TFCP2L1: variants seen among roughly 807,000 people sequenced by gnomAD.
TFCP2L1 encodes transcription factor CP2 like 1, also known as transcription factor CP2-like protein 1.
In TFCP2L1, 12 loss-of-function variants were observed where a neutral mutation model predicts 72.2. The observed-to-expected ratio is 0.17, with a 90% CI of 0.11 to 0.27. The LOEUF is 0.27. TFCP2L1 is among the 10% of genes least tolerant of loss of function. The pLI is 1.00. For synonymous variants in TFCP2L1, 260 were observed against 251.0 expected (o/e 1.04, Z -0.34); for missense variants, 488 against 624.6 (o/e 0.78, Z 2.33).
intron 1 of TFCP2L1, among the ~76,000 whole-genome samples, chr2:121,282,734 GAATCC>G (rs2104775185): frequency 6.6e-6 from 1 of 152,210 alleles, no homozygotes; most frequent in Admixed American, 6.5e-5. Flanking sequence ...CCCTGACTAG[GAATCC>G]AATTAGCTGA....
intron 2 of TFCP2L1, among the ~76,000 whole-genome samples, chr2:121,276,383 A>G (rs1687147380): frequency 6.6e-6 from 1 of 152,066 alleles, no homozygotes; most frequent in Non-Finnish European, 1.5e-5. Context: ...CAAGTGTCCC[A>G]GCATTTTGAG....
chr2:121,234,778 A>G (rs1401673571), intron 11 of TFCP2L1, among the ~76,000 whole-genome samples: 3 of 152,264 alleles, frequency 2.0e-5, no homozygotes, highest in Non-Finnish European at 2.9e-5. Context: ...CGTCTCTGCC[A>G]TGGCAGGAAG....
chr2:121,280,228 C>A (rs1687228611), intron 2 of TFCP2L1, among the ~76,000 whole-genome samples: 1 of 150,834 alleles, frequency 6.6e-6, no homozygotes, highest in Non-Finnish European at 1.5e-5. Context: ...AGTCACAGAG[C>A]TAGGAAGTGC....
intron 2 of TFCP2L1, among the ~76,000 whole-genome samples, chr2:121,270,876 AC>A (rs1558744629): frequency 7.9e-6 from 1 of 126,252 alleles, no homozygotes; most frequent in Non-Finnish European, 1.6e-5. Context: ...CTCTAAACAC[AC>A]TTTTTTTTTT....
chr2:121,239,766 G>T, intron 7 of TFCP2L1, 117 bp from the exon 8 acceptor site: 1 of 1,033,578 alleles, frequency 9.7e-7, no homozygotes, highest in Non-Finnish European at 1.4e-6. Flanking sequence ...CCTGTGAAAC[G>T]CAGCCTGCGT....
chr2:121,235,397 TG>T, intron 10 of TFCP2L1, 86 bp from the exon 11 acceptor site: 1 of 833,534 alleles, frequency 1.2e-6, no homozygotes, highest in South Asian at 1.4e-5. Context: ...CCCATAGCAC[TG>T]GGGGTGGGGG....
chr2:121,234,047 C>T (rs769312551), intron 12 of TFCP2L1, 44 bp downstream of exon 12: 17 of 1,541,526 alleles, frequency 1.1e-5, no homozygotes, highest in South Asian at 3.3e-5. Context: ...AGCCAGGCTG[C>T]GGGACCCAAT....
chr2:121,229,828 T>C (rs933669044), intron 13 of TFCP2L1, among the ~76,000 whole-genome samples: 1 of 152,236 alleles, frequency 6.6e-6, no homozygotes, highest in African/African-American at 2.4e-5. Context: ...GGAGGTAGTT[T>C]CAGGTGGGGA....
At chr2:121,248,501 A>G (rs1462125298) in intron 4 of TFCP2L1, among the ~76,000 whole-genome samples, 4 of 152,126 alleles carry the variant, frequency 2.6e-5, no homozygotes, top group Non-Finnish European at 5.9e-5. Context: ...CAGAAATATG[A>G]CCGTGCTTGG....
chr2:121,245,209 C>T (rs1686457009), intron 6 of TFCP2L1, among the ~76,000 whole-genome samples: 1 of 152,138 alleles, frequency 6.6e-6, no homozygotes, highest in South Asian at 2.1e-4. Flanking sequence ...ACTCAGCCTG[C>T]TCCTGCTGGC....
chr2:121,248,903 C>G, intron 4 of TFCP2L1, 79 bp downstream of exon 4: 1 of 1,188,594 alleles, frequency 8.4e-7, no homozygotes, highest in Admixed American at 2.6e-5. Context: ...CGGCATAGGT[C>G]CGGGTGGCAT....
In TFCP2L1 at chr2:121,237,794, A is replaced by C. The variant is rs202099741; in HGVS notation, c.909+8T>G. On this transcript the variant is annotated splice_region_variant and intron_variant, in intron 9 of 14. Coordinates refer to ENST00000263707, the MANE Select transcript of TFCP2L1 (RefSeq NM_014553.3). ...CCACCAGCCAGAAAGCCCTGCTCAG[A>C]CACTTACGTCACTGCCCACGGGCAG... 1.2e-6 allele frequency: 2 copies of C among 1,614,118 alleles called. No individual in the cohort carries two copies. The highest frequency in any genetic ancestry group is 4.5e-5 in the East Asian group (2 of 44,862).
chr2:121,244,431 A>G (rs993269032), intron 6 of TFCP2L1, among the ~76,000 whole-genome samples: 1 of 152,196 alleles, frequency 6.6e-6, no homozygotes, highest in Non-Finnish European at 1.5e-5. Flanking sequence ...GGGGGCAGGC[A>G]GGTGGAAGGA....
rs1396847059 is a variant in TFCP2L1 at position 121,220,094 on chromosome 2, C to T, written c.*4247G>A. 3.3e-5 allele frequency: 5 copies of T among 151,782 alleles called. No individual in the cohort carries two copies. The highest frequency in any genetic ancestry group is 3.9e-4 in the East Asian group (2 of 5,162). 9.4% of individuals were successfully genotyped at this position (151,782 alleles called of 1,614,324 possible). Reference sequence around the variant, plus strand: ...CTGACAACAGCCTAAGAGGCTTTTCCGTTTATTTCATCGACTTGTTAATGA... The same window carrying T: ...CTGACAACAGCCTAAGAGGCTTTTCTGTTTATTTCATCGACTTGTTAATGA... On this transcript the variant is annotated 3_prime_UTR_variant, in exon 15 of 15. Coordinates refer to ENST00000263707, the MANE Select transcript of TFCP2L1 (RefSeq NM_014553.3).
intron 13 of TFCP2L1, among the ~76,000 whole-genome samples, chr2:121,228,604 TA>T (rs11446191): frequency 2.5e-4 from 37 of 146,164 alleles, no homozygotes; most frequent in South Asian, 1.1e-3. Context: ...TACAAAAAAT[TA>T]AAAAAAAAAA....
chr2:121,247,067 C>T, intron 5 of TFCP2L1, 97 bp from the exon 6 acceptor site: 2 of 1,463,666 alleles, frequency 1.4e-6, no homozygotes, highest in Admixed American at 2.0e-5. Flanking sequence ...TCCTTCCCTG[C>T]TTGGTCAGTG....
At chr2:121,246,289 T>C (rs1441824819) in intron 6 of TFCP2L1, among the ~76,000 whole-genome samples, 1 of 152,228 alleles carries the variant, frequency 6.6e-6, no homozygotes, top group African/African-American at 2.4e-5. Context: ...GACAGGCGAC[T>C]GTAGGGAATG....
At chr2:121,224,441 A>G (rs1685982635) in intron 14 of TFCP2L1, 54 bp from the exon 15 acceptor site, 1 of 1,585,516 alleles carries the variant, frequency 6.3e-7, no homozygotes, top group Non-Finnish European at 8.6e-7. Context: ...GCAGTGCCAC[A>G]GTATTGGGGA....
At chr2:121,244,810 G>C (rs1200930393) in intron 6 of TFCP2L1, among the ~76,000 whole-genome samples, 1 of 152,142 alleles carries the variant, frequency 6.6e-6, no homozygotes, top group African/African-American at 2.4e-5. Flanking sequence ...GCAGAGACGC[G>C]GTCTGTACAT....
Sources: gnomAD v4.1 joint callset for allele counts (sites outside exome capture counted in the v4.1 genomes callset) on GRCh38, gnomAD v4.1.1 for gene constraint, MANE v1.5 for transcripts, NCBI Gene and HGNC (gene_info 2026-07-23, HGNC 2026-07-21) for gene names.